Variants in MYO15A observed in about 807,000 individuals in gnomAD.
The protein encoded by MYO15A is myosin XVA, also known as unconventional myosin-XV.
In MYO15A, 308 loss-of-function variants were observed where a neutral mutation model predicts 394.6. That is an observed-to-expected ratio of 0.78 (90% confidence interval 0.71 to 0.86). The LOEUF (loss-of-function observed/expected upper bound fraction) is 0.86, where lower values mean the gene tolerates loss of function less well. Ranked by LOEUF, MYO15A falls within the 40% of genes least tolerant of loss-of-function variation. MYO15A has a pLI of 0.00. For synonymous variants in MYO15A, 1,957 were observed against 2,003.8 expected (o/e 0.98, Z 0.62); for missense variants, 4,606 against 4,799.1 (o/e 0.96, Z 1.19).
In MYO15A at chr17:18,149,596, G is replaced by C. The variant is rs1378038866; in HGVS notation, c.7212+16G>C. On this transcript the variant is annotated intron_variant, in intron 35 of 65. Coordinates refer to ENST00000647165, the MANE Select transcript of MYO15A (RefSeq NM_016239.4). ...CGGGGATGCGGTAGGGATGGTGTGG[G>C]GTGGGTCATTTGCAGACAGCAGGCA... 1 of 1,612,836 alleles carries C rather than the reference G, an allele frequency of 6.2e-7. No homozygotes were observed. Among genetic ancestry groups the C allele is most frequent in the Admixed American group, 1.7e-5 (1 of 60,024 alleles).
In MYO15A at chr17:18,140,643, G is replaced by C; in HGVS notation, c.5338G>C (p.Asp1780His). The change falls in exon 20 of 66, where the codon GAT becomes CAT. Residue 1780 changes from aspartate to histidine, a missense_variant. Physicochemically the swap from Asp to His is moderately conservative, Grantham distance 81. Transcript: ENST00000647165. ...VAAKFQQSLL[D>H]LVEKMERCNP... ...CGCCAAGTTCCAGCAGTCACTCCTG[G>C]ATCTGGTGGAAAAGATGGAGAGGTG... The C allele has an allele frequency of 6.2e-7, 1 of 1,613,920 alleles. No homozygotes were observed.
chr17:18,142,377 T>C (rs1485005945), intron 24 of MYO15A, 123 bp downstream of exon 24: 2 of 1,158,232 alleles, frequency 1.7e-6, no homozygotes, highest in Admixed American at 2.0e-5. Context: ...TGGAGGCCTC[T>C]GCAGGAGAAT....
chr17:18,175,606 T>C (rs2047004554), intron 65 of MYO15A, among the ~76,000 whole-genome samples: 1 of 151,994 alleles, frequency 6.6e-6, no homozygotes, highest in Non-Finnish European at 1.5e-5. Context: ...CCCTAGACAA[T>C]CTCTAAACGT....
intron 30 of MYO15A, among the ~76,000 whole-genome samples, chr17:18,146,907 C>A (rs1004822424): frequency 1.3e-5 from 2 of 152,118 alleles, no homozygotes; most frequent in African/African-American, 4.8e-5. Flanking sequence ...GCCTGGGCAA[C>A]AGAGCAAGAC....
intron 52 of MYO15A, 65 bp from the exon 53 acceptor site, chr17:18,158,860 A>G (rs2046730551): frequency 1.3e-6 from 2 of 1,590,342 alleles, no homozygotes; most frequent in African/African-American, 1.3e-5. Flanking sequence ...GTTCTTTCCC[A>G]TGTGGAAAAG....
Position 18,120,939 on chromosome 17 carries a change from G to A in MYO15A, c.2139G>A (p.Ala713=). 1 of 1,472,132 alleles carries A rather than the reference G, an allele frequency of 6.8e-7. No homozygotes were observed. Among genetic ancestry groups the A allele is most frequent in the Non-Finnish European group, 8.9e-7 (1 of 1,117,664 alleles). 91.2% of individuals were successfully genotyped at this position (1,472,132 alleles called of 1,614,324 possible). A position where few individuals can be genotyped will look rare whatever the true frequency, so the allele number is the denominator to read the frequency against. ...CCGCCCCAGCGCACGTGCCACCGGCGCCGCAGGCCAGCTGGTGGGCCTTCG... is the reference window on the plus strand; with the variant it reads ...CCGCCCCAGCGCACGTGCCACCGGCACCGCAGGCCAGCTGGTGGGCCTTCG... The part of the protein sequence containing the change: ...PWAAPAHVPP[A]PQASWWAFVE... Residue 713 remains alanine, a synonymous_variant, in exon 2 of 66, where the codon GCG becomes GCA. Coordinates refer to ENST00000647165, the MANE Select transcript of MYO15A (RefSeq NM_016239.4).
At chr17:18,169,783 AAAAT>A (rs961248716) in intron 62 of MYO15A, among the ~76,000 whole-genome samples, 66 of 152,180 alleles carry the variant, frequency 4.3e-4, no homozygotes, top group African/African-American at 1.5e-3. Context: ...CTTTTTATGA[AAAAT>A]AACTCTATTT....
intron 1 of MYO15A, among the ~76,000 whole-genome samples, chr17:18,116,967 T>A (rs2045797566): frequency 1.3e-5 from 2 of 151,338 alleles, no homozygotes; most frequent in South Asian, 4.2e-4. Context: ...TGTCCTTCAT[T>A]TTTCCTCAAG....
Position 18,161,437 on chromosome 17 carries a change from G to T in MYO15A, c.9507G>T (p.Leu3169=), listed in dbSNP as rs1417229208. ...FLQDVSRTPG[L]PFQGIAKACE... ...AAGACGTGAGCCGGACCCCAGGCCT[G>T]CCCTTTCAGGGTGAGAGGTCAATGA... is the stretch of plus-strand genomic sequence containing the variant. The change falls in exon 57 of 66, where the codon CTG becomes CTT. Residue 3169 remains leucine, a synonymous_variant. Coordinates refer to ENST00000647165, the MANE Select transcript of MYO15A (RefSeq NM_016239.4). 3 of 1,613,700 alleles carry T rather than the reference G, an allele frequency of 1.9e-6. No homozygotes were observed. The highest frequency in any genetic ancestry group is 2.5e-6 in the Non-Finnish European group (3 of 1,180,048).
At chr17:18,134,825 A>G (rs999823861) in intron 12 of MYO15A, among the ~76,000 whole-genome samples, 2 of 152,148 alleles carry the variant, frequency 1.3e-5, no homozygotes, top group Non-Finnish European at 2.9e-5. Flanking sequence ...TGCTTTGTTA[A>G]TCTATTTATG....
Position 18,141,095 on chromosome 17 carries a change from G to A in MYO15A, c.5483G>A (p.Arg1828His), listed in dbSNP as rs199973505. 9.9e-6 allele frequency: 16 copies of A among 1,614,004 alleles called. No homozygotes were observed. The highest frequency in any genetic ancestry group is 4.0e-5 in the African/African-American group (3 of 75,040). Reference sequence around the variant, plus strand: ...GGGGTGCTGGAGACCGTGAGGATCCGCAAGGAGGGATTTCCAGTGCGCCTG... The same window carrying A: ...GGGGTGCTGGAGACCGTGAGGATCCACAAGGAGGGATTTCCAGTGCGCCTG... ...YSGVLETVRIRKEGFPVRLPF... is the reference protein window; with the variant it reads ...YSGVLETVRIHKEGFPVRLPF... Residue 1828 changes from arginine (R) to histidine (H), a missense_variant, in exon 22 of 66, where the codon CGC becomes CAC. By Grantham distance (29) the Arg-to-His change is conservative. Coordinates refer to ENST00000647165, the MANE Select transcript of MYO15A (RefSeq NM_016239.4).
At position 18,120,987 on chromosome 17, in the gene MYO15A, G is replaced by A. The variant is rs1421202932; in HGVS notation, c.2187G>A (p.Pro729=). The A allele has an allele frequency of 2.7e-6, 4 of 1,502,704 alleles. No homozygotes were observed. The highest frequency in any genetic ancestry group is 2.9e-5 in the African/African-American group (2 of 68,996). The allele number at this position is 1,502,704 out of a possible 1,614,324, so 93.1% of individuals were successfully genotyped here. A position where few individuals can be genotyped will look rare whatever the true frequency, so the allele number is the denominator to read the frequency against. Residue 729 remains proline, a synonymous_variant, in exon 2 of 66, where the codon CCG becomes CCA. Transcript: ENST00000647165. ...TCGTGGAGCCCCCTGCCGTGAGCCCGGAGGTGCCCCCCGACCTACTAGCCT... is the reference window on the plus strand; with the variant it reads ...TCGTGGAGCCCCCTGCCGTGAGCCCAGAGGTGCCCCCCGACCTACTAGCCT... ...WAFVEPPAVS[P]EVPPDLLAFP... is the part of the protein sequence containing the mutation.
intron 42 of MYO15A, among the ~76,000 whole-genome samples, chr17:18,152,524 G>A (rs886218676): frequency 6.6e-6 from 1 of 152,042 alleles, no homozygotes; most frequent in African/African-American, 2.4e-5. Flanking sequence ...CAGGCCTCCT[G>A]GCATCACAGT....
At position 18,119,196 on chromosome 17, in the gene MYO15A, G is replaced by A. The variant is rs1325831346; in HGVS notation, c.396G>A (p.Thr132=). 5 of 1,612,474 alleles carry A rather than the reference G, an allele frequency of 3.1e-6. No homozygotes were observed. The highest frequency in any genetic ancestry group is 4.2e-6 in the Non-Finnish European group (5 of 1,179,890). The change falls in exon 2 of 66, where the codon ACG becomes ACA. Residue 132 remains threonine, a synonymous_variant. Transcript: ENST00000647165. ...CCCGGTCACTCAGCAAAGCGTCCAC[G>A]GCCATCAACTGGCTCACAAAAAAGT... is the stretch of plus-strand genomic sequence containing the variant. ...PRARSLSKAS[T]AINWLTKKFL... is the part of the protein sequence containing the mutation.
At position 18,172,155 on chromosome 17, in the gene MYO15A, AG is replaced by A; in HGVS notation, c.10217del. ...TAACTGCCACCCCCTCTCCCTGCCC[AG>A]GCCTCCTCAGCGCCTTACCTATGTT... On this transcript the variant is annotated splice_acceptor_variant, in intron 63 of 65. Coordinates refer to ENST00000647165, the MANE Select transcript of MYO15A (RefSeq NM_016239.4). LOFTEE classifies it high-confidence loss of function. 2.5e-6 allele frequency: 4 copies of A among 1,614,102 alleles called. No individual in the cohort carries two copies. Among genetic ancestry groups the A allele is most frequent in the Non-Finnish European group, 3.4e-6 (4 of 1,180,014 alleles).
intron 34 of MYO15A, 48 bp from the exon 35 acceptor site, chr17:18,149,438 A>T: frequency 6.2e-7 from 1 of 1,614,030 alleles, no homozygotes. Context: ...TGTGGGGTGG[A>T]AATCATCAAG....
At chr17:18,127,824 G>GA (rs533426248) in intron 7 of MYO15A, among the ~76,000 whole-genome samples, 8 of 68,478 alleles carry the variant, frequency 1.2e-4, no homozygotes, top group Admixed American at 3.5e-4. Context: ...GAGGTGGGAA[G>GA]AAAAAAAAAG....
At position 18,136,408 on chromosome 17, in the gene MYO15A, C is replaced by G; in HGVS notation, c.4597-9C>G. 6.2e-7 allele frequency: 1 copy of G among 1,613,604 alleles called. No homozygotes were observed. The highest frequency in any genetic ancestry group is 1.3e-5 in the African/African-American group (1 of 75,038). ...CCTGATGTCACTCAAGGGCTGTGCC[C>G]GTCCCTAGGAGACAATGCGAGAGAA... is the stretch of plus-strand genomic sequence containing the variant. On this transcript the variant is annotated splice_polypyrimidine_tract_variant and intron_variant, in intron 13 of 65. Transcript: ENST00000647165.
chr17:18,143,673 G>A, intron 26 of MYO15A, 42 bp from the exon 27 acceptor site: 1 of 1,572,306 alleles, frequency 6.4e-7, no homozygotes, highest in East Asian at 2.4e-5. Context: ...GGCAGGTGGG[G>A]ATGTGGCAGG....
Sources: allele counts gnomAD v4.1 joint callset (sites outside exome capture counted in the v4.1 genomes callset), GRCh38; gene constraint gnomAD v4.1.1; transcripts MANE v1.5; gene names NCBI Gene and HGNC (gene_info 2026-07-23, HGNC 2026-07-21).